TTN: variants seen among roughly 807,000 people sequenced by gnomAD.
TTN encodes titin.
Under a neutral mutation model 3,223.0 loss-of-function variants are expected in TTN, and 1,525 were observed. That is an observed-to-expected ratio of 0.47 (90% confidence interval 0.45 to 0.49). The LOEUF is 0.49. TTN is among the 20% of genes least tolerant of loss of function. TTN has a pLI of 0.00. For missense variants in TTN, 40,786 were observed against 43,424.0 expected (o/e 0.94, Z 5.40); for synonymous variants, 14,094 against 15,161.0 (o/e 0.93, Z 5.17).
At chr2:178,749,518 A>C in intron 47 of TTN, 1 of 1,612,914 alleles carries the variant, frequency 6.2e-7, no homozygotes, top group Non-Finnish European at 8.5e-7. Context: ...TCCAGGGAGT[A>C]AAGGGACCAG....
chr2:178,724,261 T>C lies in TTN; in HGVS notation c.21114A>G (p.Ser7038=), dbSNP rs879237670. 7.4e-6 allele frequency: 12 copies of C among 1,611,316 alleles called. No homozygotes were observed. The highest frequency in any genetic ancestry group is 1.0e-5 in the Non-Finnish European group (12 of 1,178,338). ...KSSCTAVVDV[S]DRAVPPSFTR... is the part of the protein sequence containing the mutation. ...CCAGAAGAAAACAGCAGAACTAACC[T>C]GAAACATCAACCACAGCTGTGCAGC... Residue 7038 remains serine (S), a splice_region_variant and synonymous_variant, in exon 72 of 363, where the codon TCA becomes TCG. Transcript: ENST00000589042.
Position 178,649,288 on chromosome 2 carries a change from A to T in TTN, c.40017T>A (p.Pro13339=). The part of the protein sequence containing the change: ...PKKLVPVKKE[P]VPVTKKPEVL... Reference sequence around the variant, plus strand: ...CTTCTGGTTTTTTGGTAACAGGCACAGGTTCTTTCTTTACTGGAACAAGTT... The same window carrying T: ...CTTCTGGTTTTTTGGTAACAGGCACTGGTTCTTTCTTTACTGGAACAAGTT... The change falls in exon 213 of 363, where the codon CCT becomes CCA. Residue 13339 remains proline, a synonymous_variant. Coordinates refer to ENST00000589042, the MANE Select transcript of TTN (RefSeq NM_001267550.2). 1 of 1,484,376 alleles carries T rather than the reference A, an allele frequency of 6.7e-7. No homozygotes were observed. Among genetic ancestry groups the T allele is most frequent in the Non-Finnish European group, 8.9e-7 (1 of 1,124,800 alleles). 92.0% of individuals were successfully genotyped at this position (1,484,376 alleles called of 1,614,324 possible).
In TTN at chr2:178,583,706, C is replaced by T. The variant is rs763824247; in HGVS notation, c.65476G>A (p.Glu21826Lys). The stretch of plus-strand genomic sequence containing the variant: ...GCTCTAAATTGATACTGAGCTTTCT[C>T]TTCTAGGCCAGTAGCTGTGTACTCT... ...QEEYTATGLE[E>K]KAQYQFRAIA... The change falls in exon 312 of 363, where the codon GAG becomes AAG. Residue 21826 changes from glutamate (E) to lysine (K), a missense_variant. Transcript: ENST00000589042. 1.2e-6 allele frequency: 2 copies of T among 1,612,454 alleles called. No individual in the cohort carries two copies. The highest frequency in any genetic ancestry group is 1.7e-6 in the Non-Finnish European group (2 of 1,179,230).
At chr2:178,797,624 T>C (rs983770244) in intron 6 of TTN, among the ~76,000 whole-genome samples, 1 of 152,162 alleles carries the variant, frequency 6.6e-6, no homozygotes, top group South Asian at 2.1e-4. Flanking sequence ...TAATTTTGTA[T>C]GTTATATACT....
chr2:178,573,652 T>C lies in TTN; in HGVS notation c.72480A>G (p.Val24160=). The part of the protein sequence containing the change: ...DGGAKIDHYI[V]QKRETSRLAW... ...CCAATCTGCTGGTTTCACGTTTCTG[T>C]ACTATGTAATGATCAATTTTGGCAC... is the stretch of plus-strand genomic sequence containing the variant. The change falls in exon 326 of 363, where the codon GTA becomes GTG. Residue 24160 remains valine, a synonymous_variant. Coordinates refer to ENST00000589042, the MANE Select transcript of TTN (RefSeq NM_001267550.2). 6.6e-7 allele frequency: 1 copy of C among 1,511,990 alleles called. No individual in the cohort carries two copies. The highest frequency in any genetic ancestry group is 8.8e-7 in the Non-Finnish European group (1 of 1,132,364). 93.7% of individuals were successfully genotyped at this position (1,511,990 alleles called of 1,614,324 possible). A position where few individuals can be genotyped will look rare whatever the true frequency, so the allele number is the denominator to read the frequency against.
intron 215 of TTN, among the ~76,000 whole-genome samples, chr2:178,646,797 G>A (rs985122120): frequency 1.2e-4 from 19 of 152,016 alleles, no homozygotes; most frequent in South Asian, 4.2e-4. Flanking sequence ...ATTTGATACC[G>A]TGTTATCATT....
At chr2:178,695,003 C>T (rs1326870350) in intron 115 of TTN, 97 bp from the exon 116 acceptor site, 16 of 870,528 alleles carry the variant, frequency 1.8e-5, no homozygotes, top group East Asian at 2.7e-5. Flanking sequence ...TGTTTATACA[C>T]ACCTATAAGT....
At chr2:178,803,837 T>A (rs1230275798) in intron 2 of TTN, among the ~76,000 whole-genome samples, 1 of 152,058 alleles carries the variant, frequency 6.6e-6, no homozygotes, top group Admixed American at 6.5e-5. Flanking sequence ...GATGATACCA[T>A]GCATTTTTTT....
Position 178,583,842 on chromosome 2 carries a change from A to T in TTN, c.65340T>A (p.Arg21780=), listed in dbSNP as rs1301922124. 1 of 1,609,120 alleles carries T rather than the reference A, an allele frequency of 6.2e-7. No homozygotes were observed. The highest frequency in any genetic ancestry group is 2.2e-5 in the East Asian group (1 of 44,494). The change falls in exon 312 of 363, where the codon CGT becomes CGA. Residue 21780 remains arginine, a synonymous_variant. Transcript: ENST00000589042. The part of the protein sequence containing the change: ...TKSTVSLIWA[R]PKHDGGSKII... Reference sequence around the variant, plus strand: ...TTTTACTGCCTCCATCATGCTTTGGACGAGCCCAGATCAGAGATACAGTAC... The same window carrying T: ...TTTTACTGCCTCCATCATGCTTTGGTCGAGCCCAGATCAGAGATACAGTAC...
chr2:178,757,231 T>TGTACTTGCTTTCAGTA (rs1252574568), intron 45 of TTN, among the ~76,000 whole-genome samples: 1 of 148,874 alleles, frequency 6.7e-6, no homozygotes, highest in African/African-American at 2.5e-5. Flanking sequence ...TAAGTAATAA[T>TGTACTTGCTTTCAGTA]CAGCAAATAG....
At chr2:178,700,059 A>C (rs944222638) in intron 111 of TTN, among the ~76,000 whole-genome samples, 1 of 152,224 alleles carries the variant, frequency 6.6e-6, no homozygotes, top group Non-Finnish European at 1.5e-5. Flanking sequence ...CAAGTTTCAC[A>C]GTGAGTACCA....
Position 178,681,743 on chromosome 2 carries a change from AAAAGTACAT to A in TTN, c.33095-14_33095-6del. The A allele has an allele frequency of 1.9e-6, 3 of 1,588,138 alleles. No individual in the cohort carries two copies. The South Asian group carries it at 3.5e-5, about 19-fold the overall frequency. ...CAGGGATAGGCTTCTCTGGTTCTTT[AAAAGTACAT>A]ACAAGGTATTTCATGTTAGACTTAG... On this transcript the variant is annotated splice_polypyrimidine_tract_variant and splice_region_variant and intron_variant, in intron 135 of 362. Coordinates refer to ENST00000589042, the MANE Select transcript of TTN (RefSeq NM_001267550.2).
Position 178,759,020 on chromosome 2 carries a change from C to T in TTN, c.10267G>A (p.Gly3423Ser), listed in dbSNP as rs2088199501. The T allele has an allele frequency of 6.2e-7, 1 of 1,613,892 alleles. No individual in the cohort carries two copies. Among genetic ancestry groups the T allele is most frequent in the South Asian group, 1.1e-5 (1 of 91,090 alleles). ...AGGTTGGCTGTGCTTGATACTTGGC[C>T]TACAGCATTACTAGCAACAAACGTG... ...TYTFVASNAV[G>S]QVSSTANLSL... The change falls in exon 44 of 363, where the codon GGC (glycine) becomes AGC (serine). Residue 3423 changes from glycine to serine, a missense_variant. Transcript: ENST00000589042.
In TTN at chr2:178,582,936, T is replaced by A; in HGVS notation, c.65863+4A>T. The A allele has an allele frequency of 6.7e-7, 1 of 1,489,244 alleles. No individual in the cohort carries two copies. The highest frequency in any genetic ancestry group is 1.5e-5 in the South Asian group (1 of 64,772). The allele number at this position is 1,489,244 out of a possible 1,614,324, so 92.3% of individuals were successfully genotyped here. ...ATGGGATTCCAATGAAGTTTATTAG[T>A]TACCTAACACTTTAAGCTTAATGGT... On this transcript the variant is annotated splice_donor_region_variant and intron_variant, in intron 313 of 362. Coordinates refer to ENST00000589042, the MANE Select transcript of TTN (RefSeq NM_001267550.2).
At position 178,652,019 on chromosome 2, in the gene TTN, G is replaced by A. The variant is rs1377606963; in HGVS notation, c.39296-52C>T. On this transcript the variant is annotated intron_variant, in intron 204 of 362. Coordinates refer to ENST00000589042, the MANE Select transcript of TTN (RefSeq NM_001267550.2). ...GCCAGAATTGACTAAAACTGAGATA[G>A]TTTGCAAAAAAATGTTTTTACAACA... 4.3e-6 allele frequency: 7 copies of A among 1,610,276 alleles called. No individual in the cohort carries two copies. The East Asian group carries it at 1.1e-4, about 26-fold the overall frequency.
rs1285703397 is a variant in TTN, at chr2:178,602,553, A to G, written c.54849T>C (p.Asp18283=). The G allele has an allele frequency of 6.3e-7, 1 of 1,576,976 alleles. No individual in the cohort carries two copies. The highest frequency in any genetic ancestry group is 1.7e-4 in the Middle Eastern group (1 of 5,954). ...PGPPSCPEVK[D]KTKSSISLGW... is the part of the protein sequence containing the mutation. ...CTAGTGAGATGCTTGACTTCGTTTT[A>G]TCTTTAACTTCTGGGCAAGAAGGTG... Residue 18283 remains aspartate (D), a synonymous_variant, in exon 283 of 363, where the codon GAT becomes GAC. Transcript: ENST00000589042.
chr2:178,645,356 T>C (rs1449984039), intron 217 of TTN, among the ~76,000 whole-genome samples: 1 of 151,898 alleles, frequency 6.6e-6, no homozygotes, highest in Non-Finnish European at 1.5e-5. Flanking sequence ...AACACTTCTT[T>C]AAGTTGCAAG....
intron 46 of TTN, among the ~76,000 whole-genome samples, chr2:178,755,502 T>A (rs991844255): frequency 6.6e-6 from 1 of 152,074 alleles, no homozygotes; most frequent in Non-Finnish European, 1.5e-5. Flanking sequence ...GTGACCCTAT[T>A]TCGGCTCACT....
chr2:178,640,176 C>T, intron 221 of TTN, 66 bp from the exon 222 acceptor site: 1 of 1,477,994 alleles, frequency 6.8e-7, no homozygotes. Context: ...AAAGTCAAAA[C>T]TAAAATTAAG....
Sources: gnomAD v4.1 joint callset for allele counts (sites outside exome capture counted in the v4.1 genomes callset) on GRCh38, gnomAD v4.1.1 for gene constraint, MANE v1.5 for transcripts, NCBI Gene and HGNC (gene_info 2026-07-23, HGNC 2026-07-21) for gene names.